The following SWT1 variants were observed in gnomAD, a reference collection of about 807,000 sequenced individuals.
SWT1 encodes transcriptional protein SWT1.
Under a neutral mutation model 107.3 loss-of-function variants are expected in SWT1, and 33 were observed. The ratio of observed to expected loss-of-function variants is 0.31; its 90% CI spans 0.23 to 0.41. SWT1 has a LOEUF of 0.41. Among genes scored for constraint, SWT1 ranks in the 10% least tolerant of loss-of-function variants. The pLI, the probability that SWT1 is intolerant of heterozygous loss-of-function variation, is 1.00. For synonymous variants in SWT1, 345 were observed against 348.3 expected (o/e 0.99, Z 0.11); for missense variants, 898 against 1,028.9 (o/e 0.87, Z 1.74).
intron 2 of SWT1, among the ~76,000 whole-genome samples, chr1:185,164,143 A>G (rs1194940777): frequency 6.6e-6 from 1 of 151,992 alleles, no homozygotes; most frequent in Non-Finnish European, 1.5e-5. Flanking sequence ...CAGGTGCATT[A>G]CCAGTGAGCA....
At position 185,193,519 on chromosome 1, in the gene SWT1, T is replaced by A. The variant is rs868094765; in HGVS notation, c.1523+2877T>A. ...TCTCACTTGGTCGCCCAGGCTGGAG[T>A]GAAGTGGTGCAATCTTGGCTCACTG... On this transcript the variant is annotated intron_variant, in intron 10 of 18. Transcript: ENST00000367500. 3.7e-4 allele frequency among the ~76,000 whole-genome samples: 55 copies of A among 150,366 alleles called. 1 individual carries two copies. The highest frequency in any genetic ancestry group is 1.3e-3 in the African/African-American group (53 of 40,788).
Position 185,181,930 on chromosome 1 carries a change from G to C in SWT1, c.1027-16G>C, listed in dbSNP as rs765213946. The C allele has an allele frequency of 6.2e-7, 1 of 1,612,932 alleles. No individual in the cohort carries two copies. The highest frequency in any genetic ancestry group is 1.3e-5 in the African/African-American group (1 of 74,868). ...AAGTAACTCAAAATATTTCACTGGG[G>C]TCTTTTACACTTTAGATGCAGATAG... On this transcript the variant is annotated splice_polypyrimidine_tract_variant and intron_variant, in intron 6 of 18. Transcript: ENST00000367500.
chr1:185,173,530 CAAAAAAAA>C (rs869052260), intron 4 of SWT1, among the ~76,000 whole-genome samples: 2 of 96,574 alleles, frequency 2.1e-5, no homozygotes, highest in African/African-American at 3.8e-5. Context: ...CTGTCTCTAC[CAAAAAAAA>C]AAAAAAAAAA....
intron 16 of SWT1, among the ~76,000 whole-genome samples, chr1:185,233,757 T>G: frequency 6.6e-6 from 1 of 152,172 alleles, no homozygotes; most frequent in East Asian, 1.9e-4. Context: ...ATTTATTTAT[T>G]TTTTGAGACG....
intron 16 of SWT1, among the ~76,000 whole-genome samples, chr1:185,236,035 A>G (rs1408444526): frequency 2.6e-5 from 4 of 152,212 alleles, no homozygotes; most frequent in African/African-American, 9.6e-5. Flanking sequence ...CCACTGCTCA[A>G]AGAAATAAGA....
chr1:185,289,775 A>G (rs1665144751), intron 18 of SWT1, among the ~76,000 whole-genome samples: 2 of 152,176 alleles, frequency 1.3e-5, no homozygotes, highest in Non-Finnish European at 2.9e-5. Flanking sequence ...ACATGTTCTC[A>G]CTGATATGTG....
rs143064176 is a variant in SWT1, at chr1:185,213,086, C to G, written c.1973-1421C>G. Among the ~76,000 whole-genome samples the G allele has an allele frequency of 4.2e-4, 64 of 152,026 alleles. 1 individual carries two copies. In the East Asian group the frequency reaches 0.011, roughly 27 times the overall value. On this transcript the variant is annotated intron_variant, in intron 13 of 18. Coordinates refer to ENST00000367500, the MANE Select transcript of SWT1 (RefSeq NM_017673.7). Reference sequence around the variant, plus strand: ...ATGTAGATTTCTTTTTTTGTTGTGTCTGTATACTGGATTTATTATTGTTAT... The same window carrying G: ...ATGTAGATTTCTTTTTTTGTTGTGTGTGTATACTGGATTTATTATTGTTAT...
At chr1:185,213,126 T>C (rs778138585) in intron 13 of SWT1, among the ~76,000 whole-genome samples, 13 of 152,142 alleles carry the variant, frequency 8.5e-5, no homozygotes, top group Non-Finnish European at 1.3e-4. Context: ...CTTTTCCTCA[T>C]AATCTTAGGA....
intron 10 of SWT1, among the ~76,000 whole-genome samples, chr1:185,200,897 A>G (rs949025192): frequency 1.3e-5 from 2 of 152,112 alleles, no homozygotes; most frequent in African/African-American, 4.8e-5. Context: ...TAGGAGTTTT[A>G]TCTACAAGCT....
chr1:185,215,638 A>C (rs923578270), intron 14 of SWT1, among the ~76,000 whole-genome samples: 1 of 152,084 alleles, frequency 6.6e-6, no homozygotes, highest in Non-Finnish European at 1.5e-5. Context: ...TACTGGGCTT[A>C]AGTGATTCTT....
chr1:185,286,321 T>G (rs1664943389), intron 18 of SWT1, among the ~76,000 whole-genome samples: 1 of 152,106 alleles, frequency 6.6e-6, no homozygotes, highest in Non-Finnish European at 1.5e-5. Flanking sequence ...CCTCTTGGGT[T>G]CAAGCAATTT....
chr1:185,232,485 A>T (rs562208189), intron 16 of SWT1, among the ~76,000 whole-genome samples: 1 of 152,286 alleles, frequency 6.6e-6, no homozygotes, highest in Admixed American at 6.5e-5. Flanking sequence ...ATAAGATATG[A>T]CCTCTGAATC....
chr1:185,160,446 C>A (rs996814873), intron 1 of SWT1, among the ~76,000 whole-genome samples: 2 of 152,130 alleles, frequency 1.3e-5, no homozygotes. Context: ...TGGTCACTCA[C>A]ACCTGTAATC....
intron 4 of SWT1, 27 bp downstream of exon 4, chr1:185,168,425 G>A (rs1654774918): frequency 7.4e-7 from 1 of 1,345,276 alleles, no homozygotes; most frequent in African/African-American, 1.6e-5. Flanking sequence ...TCTTTTTACT[G>A]TTTTGGTTTA....
chr1:185,290,683 A>G lies in SWT1; in HGVS notation c.2583A>G (p.Leu861=). The stretch of plus-strand genomic sequence containing the variant: ...TTTCTTTTTCTCCTAGGGAAAAGTT[A>G]ACCATTGGATGCCGCCAGCTGGTTG... ...CVSQTEYREK[L]TIGCRQLVEM... Residue 861 remains leucine (L), a synonymous_variant, in exon 19 of 19, where the codon TTA becomes TTG. Coordinates refer to ENST00000367500, the MANE Select transcript of SWT1 (RefSeq NM_017673.7). The G allele has an allele frequency of 6.4e-7, 1 of 1,573,096 alleles. No individual in the cohort carries two copies. The highest frequency in any genetic ancestry group is 1.2e-5 in the South Asian group (1 of 83,124).
intron 18 of SWT1, 78 bp from the exon 19 acceptor site, chr1:185,290,596 T>C: frequency 9.5e-7 from 1 of 1,050,694 alleles, no homozygotes; most frequent in Non-Finnish European, 1.3e-6. Flanking sequence ...TCAATTAAAA[T>C]GTAAAATAAA....
At chr1:185,189,424 C>T (rs965999220) in intron 9 of SWT1, among the ~76,000 whole-genome samples, 1 of 152,166 alleles carries the variant, frequency 6.6e-6, no homozygotes, top group Non-Finnish European at 1.5e-5. Flanking sequence ...ATTTCTTTCT[C>T]CTGTATACCT....
At chr1:185,221,050 G>GACACACACAC (rs59643566) in intron 14 of SWT1, among the ~76,000 whole-genome samples, 2 of 149,864 alleles carry the variant, frequency 1.3e-5, no homozygotes, top group African/African-American at 2.4e-5. Flanking sequence ...CGTGCACACA[G>GACACACACAC]ACACACACAC....
At chr1:185,217,665 A>G (rs1659325050) in intron 14 of SWT1, among the ~76,000 whole-genome samples, 1 of 151,234 alleles carries the variant, frequency 6.6e-6, no homozygotes, top group African/African-American at 2.4e-5. Flanking sequence ...GCACGATCCC[A>G]GCTTATTGCA....
Sources: allele counts gnomAD v4.1 joint callset (sites outside exome capture counted in the v4.1 genomes callset), GRCh38; gene constraint gnomAD v4.1.1; transcripts MANE v1.5; gene names NCBI Gene and HGNC (gene_info 2026-07-23, HGNC 2026-07-21).